Variants in PSEN1 observed in about 807,000 individuals in gnomAD.
PSEN1 encodes presenilin-1.
Under a neutral mutation model 53.5 loss-of-function variants are expected in PSEN1, and 15 were observed. The observed-to-expected ratio is 0.28, with a 90% CI of 0.19 to 0.43. The LOEUF (loss-of-function observed/expected upper bound fraction) is 0.43, where lower values mean the gene tolerates loss of function less well. Among genes scored for constraint, PSEN1 ranks in the 20% least tolerant of loss-of-function variants. The pLI is 1.00. For synonymous variants in PSEN1, 208 were observed against 209.8 expected, an observed-to-expected ratio of 0.99 and a Z score of 0.08; for missense variants, 387 against 571.2, an observed-to-expected ratio of 0.68 and a Z score of 3.29.
rs1176090800 is a variant in PSEN1 at position 73,152,155 on chromosome 14, G to A, written c.87+4049G>A. ...CTCGGATCTCCTGACCTCGTGATTC[G>A]CCCGTCTCGGCCTCCCAAAGTTTTT... On this transcript the variant is annotated intron_variant, in intron 3 of 11. Transcript: ENST00000324501. 4.8e-5 allele frequency among the ~76,000 whole-genome samples: 7 copies of A among 146,086 alleles called. No individual in the cohort carries two copies. In the East Asian group the frequency reaches 6.2e-4, roughly 13 times the overall value.
intron 8 of PSEN1, among the ~76,000 whole-genome samples, chr14:73,200,099 C>G (rs1390468982): frequency 6.6e-6 from 1 of 152,004 alleles, no homozygotes; most frequent in African/African-American, 2.4e-5. Flanking sequence ...GTGTGTGTGT[C>G]TGAGAGAGAA....
At chr14:73,171,303 T>C (rs1897884065) in intron 4 of PSEN1, among the ~76,000 whole-genome samples, 1 of 152,206 alleles carries the variant, frequency 6.6e-6, no homozygotes, top group Non-Finnish European at 1.5e-5. Flanking sequence ...ATTGAACACA[T>C]AAATTCTTTT....
chr14:73,144,891 T>G (rs1897026766), intron 1 of PSEN1, among the ~76,000 whole-genome samples: 1 of 152,158 alleles, frequency 6.6e-6, no homozygotes, highest in Admixed American at 6.6e-5. Flanking sequence ...ATACCATTTA[T>G]TTATTTTATT....
At chr14:73,216,734 G>A (rs930241274) in intron 10 of PSEN1, among the ~76,000 whole-genome samples, 8 of 151,660 alleles carry the variant, frequency 5.3e-5, no homozygotes, top group Admixed American at 5.3e-4. Flanking sequence ...ACTCCAGCCT[G>A]GGCCACAGAG....
intron 3 of PSEN1, among the ~76,000 whole-genome samples, chr14:73,153,623 A>G (rs1391296620): frequency 7.0e-6 from 1 of 142,840 alleles, no homozygotes; most frequent in Non-Finnish European, 1.5e-5. Flanking sequence ...AGAGCCCCAC[A>G]TTTGTCATTG....
chr14:73,194,115 C>T (rs1002919826), intron 7 of PSEN1, among the ~76,000 whole-genome samples: 3 of 152,184 alleles, frequency 2.0e-5, no homozygotes, highest in African/African-American at 4.8e-5. Context: ...ATACTCCAGC[C>T]ATTAACCCAG....
intron 8 of PSEN1, among the ~76,000 whole-genome samples, chr14:73,203,257 T>C (rs1899305413): frequency 6.6e-6 from 1 of 152,082 alleles, no homozygotes; most frequent in South Asian, 2.1e-4. Flanking sequence ...TTTTTGTATT[T>C]TTGTATTTTT....
In PSEN1 at chr14:73,170,970, C is replaced by G; in HGVS notation, c.261C>G (p.Val87=). The change falls in exon 4 of 12, where the codon GTC becomes GTG. Residue 87 remains valine, a synonymous_variant. Coordinates refer to ENST00000324501, the MANE Select transcript of PSEN1 (RefSeq NM_000021.4). ...YGAKHVIMLF[V]PVTLCMVVVV... ...CCAAGCATGTGATCATGCTCTTTGT[C>G]CCTGTGACTCTCTGCATGGTGGTGG... 1.9e-6 allele frequency: 3 copies of G among 1,614,174 alleles called. No individual in the cohort carries two copies. Among genetic ancestry groups the G allele is most frequent in the Middle Eastern group, 1.7e-4 (1 of 6,058 alleles).
At chr14:73,180,112 G>A (rs1384275866) in intron 5 of PSEN1, among the ~76,000 whole-genome samples, 1 of 152,070 alleles carries the variant, frequency 6.6e-6, no homozygotes, top group Non-Finnish European at 1.5e-5. Context: ...AGCCTCCCAA[G>A]TAGTTGGGAT....
chr14:73,147,088 C>T (rs952858389), intron 1 of PSEN1, among the ~76,000 whole-genome samples: 3 of 150,306 alleles, frequency 2.0e-5, no homozygotes, highest in African/African-American at 4.9e-5. Flanking sequence ...TGGGTTCAAG[C>T]TTTTCTCCTG....
chr14:73,158,858 T>A (rs571900892), intron 3 of PSEN1, among the ~76,000 whole-genome samples: 1 of 152,360 alleles, frequency 6.6e-6, no homozygotes, highest in African/African-American at 2.4e-5. Context: ...TTCCTCCACA[T>A]CCTGTCAGTA....
At position 73,200,747 on chromosome 14, in the gene PSEN1, A is replaced by G. The variant is rs190959929; in HGVS notation, c.868+2618A>G. Among the ~76,000 whole-genome samples, 482 of 152,208 alleles carry G rather than the reference A, an allele frequency of 3.2e-3. 13 individuals carry two copies. Among genetic ancestry groups the G allele is most frequent in the Admixed American group, 0.027 (416 of 15,284 alleles). Reference sequence around the variant, plus strand: ...CAATTTTTCTGTTGAGTTACTGGAAAAGCAGTTTCAAGAAGGAGAGAGGCT... The same window carrying G: ...CAATTTTTCTGTTGAGTTACTGGAAGAGCAGTTTCAAGAAGGAGAGAGGCT... On this transcript the variant is annotated intron_variant, in intron 8 of 11. Transcript: ENST00000324501.
intron 5 of PSEN1, among the ~76,000 whole-genome samples, chr14:73,181,930 C>T (rs1157682509): frequency 4.6e-5 from 7 of 152,114 alleles, no homozygotes; most frequent in African/African-American, 7.2e-5. Context: ...CCTGCCACCA[C>T]GCCTAGCTAA....
rs1900044831 is a variant in PSEN1, at chr14:73,219,118, C to T, written c.1249-16C>T. 1 of 1,613,324 alleles carries T rather than the reference C, an allele frequency of 6.2e-7. No individual in the cohort carries two copies. Among genetic ancestry groups the T allele is most frequent in the Non-Finnish European group, 8.5e-7 (1 of 1,179,304 alleles). On this transcript the variant is annotated splice_polypyrimidine_tract_variant and intron_variant, in intron 11 of 11. Coordinates refer to ENST00000324501, the MANE Select transcript of PSEN1 (RefSeq NM_000021.4). ...TAATTATGTGTGAATGTGTGTCTTT[C>T]CCATCTTCTCCACAGGGTTTGTGCC...
At chr14:73,164,878 T>A (rs1015615604) in intron 3 of PSEN1, among the ~76,000 whole-genome samples, 2 of 151,942 alleles carry the variant, frequency 1.3e-5, no homozygotes, top group African/African-American at 4.8e-5. Flanking sequence ...ATATATATGT[T>A]CATTCATAAA....
At position 73,220,216 on chromosome 14, in the gene PSEN1, G is replaced by A. The variant is rs1358566867; in HGVS notation, c.*927G>A. ...CCCACACAAGCAGTCTTTTTCTACA[G>A]CCAGTAAGGCAGCTCTGTCGTGGTA... On this transcript the variant is annotated 3_prime_UTR_variant, in exon 12 of 12. Transcript: ENST00000324501. 6.6e-6 allele frequency: 1 copy of A among 152,318 alleles called. No homozygotes were observed. The highest frequency in any genetic ancestry group is 2.4e-5 in the African/African-American group (1 of 41,444). 9.4% of individuals were successfully genotyped at this position (152,318 alleles called of 1,614,324 possible). A position where few individuals can be genotyped will look rare whatever the true frequency, so the allele number is the denominator to read the frequency against.
chr14:73,177,391 G>GTGTTTTTGTTTT (rs10701455), intron 5 of PSEN1, among the ~76,000 whole-genome samples: 15 of 151,824 alleles, frequency 9.9e-5, no homozygotes, highest in African/African-American at 3.4e-4. Flanking sequence ...TTTTGTGTGT[G>GTGTTTTTGTTTT]TGTTTTTGTT....
chr14:73,143,729 AC>A (rs1896989037), intron 1 of PSEN1, among the ~76,000 whole-genome samples: 1 of 152,126 alleles, frequency 6.6e-6, no homozygotes, highest in Admixed American at 6.6e-5. Context: ...TTTTAAAATG[AC>A]CAGTGGCTGC....
At chr14:73,207,628 A>T (rs1456598773) in intron 9 of PSEN1, among the ~76,000 whole-genome samples, 1 of 152,098 alleles carries the variant, frequency 6.6e-6, no homozygotes, top group East Asian at 1.9e-4. Context: ...GTCATGTTAG[A>T]CTCTCACGGG....
Sources: allele counts gnomAD v4.1 joint callset (sites outside exome capture counted in the v4.1 genomes callset), GRCh38; gene constraint gnomAD v4.1.1; transcripts MANE v1.5; gene names NCBI Gene and HGNC (gene_info 2026-07-23, HGNC 2026-07-21).